Variants in CTNNBL1 observed in about 807,000 individuals in gnomAD.
CTNNBL1 encodes beta-catenin-like protein 1.
A neutral mutation model predicts 72.7 loss-of-function variants in CTNNBL1; 31 were observed. That is an observed-to-expected ratio of 0.43 (90% CI 0.32 to 0.58). The LOEUF (loss-of-function observed/expected upper bound fraction) is 0.58. CTNNBL1 is among the 20% of genes least tolerant of loss of function. The pLI, the probability that CTNNBL1 is intolerant of heterozygous loss-of-function variation, is 0.08. For synonymous variants in CTNNBL1, 240 were observed against 267.3 expected (o/e 0.90, Z 1.00); for missense variants, 534 against 725.1 (o/e 0.74, Z 3.03).
intron 13 of CTNNBL1, among the ~76,000 whole-genome samples, chr20:37,856,003 G>A (rs186368346): frequency 2.6e-5 from 4 of 152,144 alleles, no homozygotes; most frequent in Admixed American, 6.5e-5. Context: ...TTGGGAGGCC[G>A]AGGCAGTTAG....
chr20:37,782,455 G>A (rs568376233), intron 10 of CTNNBL1, among the ~76,000 whole-genome samples: 1 of 152,090 alleles, frequency 6.6e-6, no homozygotes, highest in Non-Finnish European at 1.5e-5. Context: ...TTTTTATACA[G>A]TAAAATGTAC....
Position 37,856,691 on chromosome 20 carries a change from T to C in CTNNBL1, c.1393-3208T>C, listed in dbSNP as rs138186845. 1.5e-3 allele frequency among the ~76,000 whole-genome samples: 226 copies of C among 152,192 alleles called. 3 individuals carry two copies. Among genetic ancestry groups the C allele is most frequent in the African/African-American group, 5.3e-3 (219 of 41,520 alleles). On this transcript the variant is annotated intron_variant, in intron 13 of 15. Transcript: ENST00000361383. Reference sequence around the variant, plus strand: ...CTGCCCATCACTCGCCCTGAAACCTTACCCAAAAGTCACTTCTTCCAGGAC... The same window carrying C: ...CTGCCCATCACTCGCCCTGAAACCTCACCCAAAAGTCACTTCTTCCAGGAC...
intron 5 of CTNNBL1, 70 bp from the exon 6 acceptor site, chr20:37,765,127 A>G: frequency 9.9e-7 from 1 of 1,008,550 alleles, no homozygotes; most frequent in Non-Finnish European, 1.5e-6. Context: ...AGAAGTAAGT[A>G]TGGGAACGGG....
intron 14 of CTNNBL1, 25 bp downstream of exon 14, chr20:37,860,061 G>T (rs200502726): frequency 1.1e-5 from 17 of 1,611,816 alleles, no homozygotes; most frequent in Non-Finnish European, 1.3e-5. Context: ...CCCTGGATGG[G>T]CTTATCCATC....
intron 10 of CTNNBL1, among the ~76,000 whole-genome samples, chr20:37,789,583 A>G (rs113655814): frequency 2.8e-4 from 42 of 152,218 alleles, no homozygotes; most frequent in African/African-American, 9.9e-4. Context: ...CAGTGCCCTC[A>G]TTGTCCCTGG....
At chr20:37,760,678 A>G (rs1360464143) in intron 5 of CTNNBL1, among the ~76,000 whole-genome samples, 1 of 152,190 alleles carries the variant, frequency 6.6e-6, no homozygotes, top group African/African-American at 2.4e-5. Flanking sequence ...ATCATACAGT[A>G]CCAAAGTGAT....
intron 1 of CTNNBL1, among the ~76,000 whole-genome samples, chr20:37,703,812 T>C (rs2122545756): frequency 6.6e-6 from 1 of 151,920 alleles, no homozygotes; most frequent in South Asian, 2.1e-4. Context: ...GAGACAGAGT[T>C]TTGCTCTTGT....
intron 2 of CTNNBL1, among the ~76,000 whole-genome samples, chr20:37,734,208 A>C (rs2073153263): frequency 6.6e-6 from 1 of 152,210 alleles, no homozygotes; most frequent in Admixed American, 6.5e-5. Flanking sequence ...AAAGGTCTTT[A>C]CTGTGTTGTG....
At chr20:37,833,179 A>T (rs908871013) in intron 11 of CTNNBL1, among the ~76,000 whole-genome samples, 1 of 152,186 alleles carries the variant, frequency 6.6e-6, no homozygotes, top group Admixed American at 6.5e-5. Context: ...AGAACCCCAG[A>T]ATCAGATCAG....
intron 1 of CTNNBL1, among the ~76,000 whole-genome samples, chr20:37,699,205 A>T (rs924385891): frequency 4.5e-4 from 68 of 152,230 alleles, no homozygotes; most frequent in Admixed American, 4.4e-3. Flanking sequence ...AAGGAAACTG[A>T]GGTACAGAAA....
chr20:37,814,401 A>G (rs530507061), intron 11 of CTNNBL1, among the ~76,000 whole-genome samples: 40 of 152,164 alleles, frequency 2.6e-4, no homozygotes, highest in Non-Finnish European at 4.4e-4. Context: ...AGACCTATCT[A>G]TCTACCCACT....
chr20:37,864,271 C>T (rs1402406670), intron 15 of CTNNBL1, among the ~76,000 whole-genome samples: 1 of 150,204 alleles, frequency 6.7e-6, no homozygotes, highest in Non-Finnish European at 1.5e-5. Flanking sequence ...TCAGTCTGTC[C>T]TCTTTGATTT....
At chr20:37,862,224 T>TC (rs1437340757) in intron 15 of CTNNBL1, among the ~76,000 whole-genome samples, 1 of 152,122 alleles carries the variant, frequency 6.6e-6, no homozygotes, top group Non-Finnish European at 1.5e-5. Flanking sequence ...TCATTTTGCC[T>TC]CCTCCCTAAG....
chr20:37,828,083 G>A (rs1354130949), intron 11 of CTNNBL1, among the ~76,000 whole-genome samples: 3 of 151,954 alleles, frequency 2.0e-5, no homozygotes, highest in Non-Finnish European at 2.9e-5. Flanking sequence ...TTATACATAC[G>A]TACCTCTTCA....
At chr20:37,788,912 C>T (rs1214809563) in intron 10 of CTNNBL1, among the ~76,000 whole-genome samples, 3 of 152,210 alleles carry the variant, frequency 2.0e-5, no homozygotes, top group Non-Finnish European at 4.4e-5. Context: ...TTTCTCCATT[C>T]CTGTGTTCAA....
chr20:37,743,901 G>T (rs1344494120), intron 3 of CTNNBL1, among the ~76,000 whole-genome samples: 3 of 151,612 alleles, frequency 2.0e-5, no homozygotes, highest in African/African-American at 7.3e-5. Flanking sequence ...AAAATATCTT[G>T]CTCAGGATAC....
Position 37,829,949 on chromosome 20 carries a change from A to G in CTNNBL1, c.1214-10153A>G, listed in dbSNP as rs1190710695. 3.9e-5 allele frequency among the ~76,000 whole-genome samples: 6 copies of G among 152,074 alleles called. 1 individual carries two copies. The highest frequency in any genetic ancestry group is 7.4e-5 in the Non-Finnish European group (5 of 68,018). ...TGGGCTCACATGATCCTCCCACTTT[A>G]GCCCCCCAAGTAGTTGGGATCACAG... On this transcript the variant is annotated intron_variant, in intron 11 of 15. Transcript: ENST00000361383.
In CTNNBL1 at chr20:37,724,937, G is replaced by T. The variant is rs759274125; in HGVS notation, c.31-7942G>T. The stretch of plus-strand genomic sequence containing the variant: ...TTTTTTTTTTTTTTTTTTGAGACAG[G>T]GTCTCTCTGTGTCACCCAGACTGGA... On this transcript the variant is annotated intron_variant, in intron 1 of 15. Transcript: ENST00000361383. 1.0e-4 allele frequency among the ~76,000 whole-genome samples: 15 copies of T among 147,200 alleles called. 1 individual carries two copies. The highest frequency in any genetic ancestry group is 1.0e-4 in the Non-Finnish European group (7 of 66,854).
chr20:37,859,879 A>G lies in CTNNBL1; in HGVS notation c.1393-20A>G, dbSNP rs1278702842. 1.9e-6 allele frequency: 3 copies of G among 1,612,466 alleles called. No homozygotes were observed. The African/African-American group carries it at 4.0e-5, about 22-fold the overall frequency. ...CATTCACTGTCCAGCTTTTATTCCT[A>G]AACGTTCATTTGTTTCTAGGACATG... On this transcript the variant is annotated intron_variant, in intron 13 of 15. Transcript: ENST00000361383.
Sources: allele counts gnomAD v4.1 joint callset (sites outside exome capture counted in the v4.1 genomes callset), GRCh38; gene constraint gnomAD v4.1.1; transcripts MANE v1.5; gene names NCBI Gene and HGNC (gene_info 2026-07-23, HGNC 2026-07-21).